RPS6KC1: variants seen among roughly 807,000 people sequenced by gnomAD.
RPS6KC1 encodes the protein ribosomal protein S6 kinase C1.
A neutral mutation model predicts 103.8 loss-of-function variants in RPS6KC1; 54 were observed. The observed-to-expected ratio is 0.52, with a 90% CI of 0.42 to 0.65. RPS6KC1 has a LOEUF of 0.65. RPS6KC1 is among the 30% of genes least tolerant of loss of function. The pLI, the probability that RPS6KC1 is intolerant of heterozygous loss-of-function variation, is 0.00. For missense variants in RPS6KC1, 1,151 were observed against 1,253.8 expected, an observed-to-expected ratio of 0.92 and a Z score of 1.24; for synonymous variants, 439 against 438.7, an observed-to-expected ratio of 1.00 and a Z score of -0.01.
At chr1:213,595,546 C>T in the RPS6KC1 span, among the ~76,000 whole-genome samples, 29 of 152,332 alleles carry the variant, frequency 1.9e-4, no homozygotes, top group East Asian at 4.6e-3. Flanking sequence ...CAGGTGTCCC[C>T]TTCCTGACCA....
chr1:213,139,097 A>G (rs2086715913), intron 6 of RPS6KC1, among the ~76,000 whole-genome samples: 1 of 152,026 alleles, frequency 6.6e-6, no homozygotes, highest in Non-Finnish European at 1.5e-5. Context: ...GCATTTCTCT[A>G]CTGATTAGTT....
the RPS6KC1 span, among the ~76,000 whole-genome samples, chr1:213,810,180 T>A: frequency 7.2e-5 from 11 of 152,188 alleles, no homozygotes. Context: ...AGTAGTAAAC[T>A]GAGGCTTGGA....
the RPS6KC1 span, among the ~76,000 whole-genome samples, chr1:213,705,356 C>T: frequency 1.3e-5 from 2 of 152,252 alleles, no homozygotes; most frequent in African/African-American, 2.4e-5. Flanking sequence ...TTCCACTCTT[C>T]CATCCCCTTT....
At chr1:213,643,390 T>A in the RPS6KC1 span, among the ~76,000 whole-genome samples, 5 of 151,852 alleles carry the variant, frequency 3.3e-5, no homozygotes, top group African/African-American at 1.2e-4. Flanking sequence ...AGATATCTTA[T>A]AGTTTCATTG....
the RPS6KC1 span, among the ~76,000 whole-genome samples, chr1:213,332,178 A>G: frequency 2.0e-5 from 3 of 152,206 alleles, no homozygotes; most frequent in Admixed American, 6.5e-5. Flanking sequence ...GAAATGTAGT[A>G]AATTTCAGTT....
the RPS6KC1 span, among the ~76,000 whole-genome samples, chr1:213,826,892 G>A: frequency 3.0e-4 from 46 of 152,290 alleles, no homozygotes; most frequent in Non-Finnish European, 3.5e-4. Context: ...ACAGGATTTT[G>A]AGGCAGACTG....
chr1:213,772,794 A>T, the RPS6KC1 span, among the ~76,000 whole-genome samples: 43 of 152,300 alleles, frequency 2.8e-4, no homozygotes, highest in African/African-American at 9.1e-4. Context: ...ACTAGAAGTC[A>T]ATAGCACAGT....
chr1:213,363,726 CGT>C, the RPS6KC1 span, among the ~76,000 whole-genome samples: 1 of 111,310 alleles, frequency 9.0e-6, no homozygotes, highest in East Asian at 2.3e-4. Flanking sequence ...TTCTTTCTTT[CGT>C]TCTTTCTTTC....
At chr1:213,312,503 G>C in the RPS6KC1 span, among the ~76,000 whole-genome samples, 1 of 152,174 alleles carries the variant, frequency 6.6e-6, no homozygotes, top group East Asian at 1.9e-4. Flanking sequence ...CTCCACAACA[G>C]AACTGACTTG....
intron 10 of RPS6KC1, among the ~76,000 whole-genome samples, chr1:213,238,345 T>A (rs1282714731): frequency 6.6e-6 from 1 of 152,156 alleles, no homozygotes; most frequent in Non-Finnish European, 1.5e-5. Flanking sequence ...AAGCATGGTA[T>A]GGGGAAAAGC....
the RPS6KC1 span, among the ~76,000 whole-genome samples, chr1:213,578,688 G>A: frequency 6.6e-6 from 1 of 150,900 alleles, no homozygotes; most frequent in Non-Finnish European, 1.5e-5. Context: ...CTTCATTTTG[G>A]CCAATTTCTC....
At chr1:213,660,136 G>T in the RPS6KC1 span, among the ~76,000 whole-genome samples, 1 of 152,210 alleles carries the variant, frequency 6.6e-6, no homozygotes, top group Non-Finnish European at 1.5e-5. Flanking sequence ...TTGGCTACAG[G>T]AGCCCCTAAA....
At chr1:213,231,991 G>C (rs1370354767) in intron 9 of RPS6KC1, 132 bp from the exon 10 acceptor site, 11 of 1,110,336 alleles carry the variant, frequency 9.9e-6, no homozygotes, top group African/African-American at 1.5e-5. Context: ...TAGAGCAGCA[G>C]ATGAGTGGTT....
chr1:213,278,482 T>A (rs1430621267), downstream of RPS6KC1, among the ~76,000 whole-genome samples: 1 of 152,232 alleles, frequency 6.6e-6, no homozygotes, highest in Non-Finnish European at 1.5e-5. Context: ...AGGATTGTTA[T>A]AGGAAGAAAA....
chr1:213,527,612 A>G, the RPS6KC1 span, among the ~76,000 whole-genome samples: 838 of 152,268 alleles, frequency 5.5e-3, 11 homozygotes, highest in African/African-American at 0.019. Flanking sequence ...TTCCCAGAAC[A>G]TTCCCATTCT....
the RPS6KC1 span, among the ~76,000 whole-genome samples, chr1:213,671,126 T>C: frequency 6.6e-6 from 1 of 152,200 alleles, no homozygotes; most frequent in Non-Finnish European, 1.5e-5. Flanking sequence ...TGAAGTTTTA[T>C]TCATCCATCC....
At chr1:213,853,735 G>A in the RPS6KC1 span, among the ~76,000 whole-genome samples, 1 of 152,210 alleles carries the variant, frequency 6.6e-6, no homozygotes, top group African/African-American at 2.4e-5. Context: ...TCTTACCAAT[G>A]AATCTAGAAG....
At chr1:213,325,140 C>T in the RPS6KC1 span, among the ~76,000 whole-genome samples, 1 of 152,160 alleles carries the variant, frequency 6.6e-6, no homozygotes, top group South Asian at 2.1e-4. Flanking sequence ...AATCATTGCC[C>T]ATTAGCAGGG....
chr1:213,594,357 A>G, the RPS6KC1 span, among the ~76,000 whole-genome samples: 1 of 152,246 alleles, frequency 6.6e-6, no homozygotes, highest in South Asian at 2.1e-4. Context: ...TATATTGATT[A>G]CATGTTGAAA....
Sources: allele counts gnomAD v4.1 joint callset (sites outside exome capture counted in the v4.1 genomes callset), GRCh38; gene constraint gnomAD v4.1.1; transcripts MANE v1.5; gene names NCBI Gene and HGNC (gene_info 2026-07-23, HGNC 2026-07-21).